Variants in STON2 observed in about 807,000 individuals in gnomAD.
The protein encoded by STON2 is stonin 2, also known as stonin-2.
STON2 carries 29 observed loss-of-function variants against 65.7 expected under a neutral mutation model. That is an observed-to-expected ratio of 0.44 (90% CI 0.33 to 0.60). STON2 has a LOEUF of 0.60. Ranked by LOEUF, STON2 falls within the 20% of genes least tolerant of loss-of-function variation. STON2 has a pLI of 0.03. For missense variants in STON2, 1,054 were observed against 1,118.1 expected (o/e 0.94, Z 0.82); for synonymous variants, 404 against 414.2 (o/e 0.98, Z 0.30).
intron 5 of STON2, among the ~76,000 whole-genome samples, chr14:81,281,969 T>C (rs988317131): frequency 1.3e-5 from 2 of 152,356 alleles, no homozygotes; most frequent in South Asian, 2.1e-4. Context: ...TAAAACTTAT[T>C]CTCTGGGATG....
At chr14:81,299,832 A>T (rs999000588) in intron 5 of STON2, among the ~76,000 whole-genome samples, 1 of 152,056 alleles carries the variant, frequency 6.6e-6, no homozygotes, top group Non-Finnish European at 1.5e-5. Context: ...ATAAATGGAG[A>T]GATTTCATGT....
intron 5 of STON2, among the ~76,000 whole-genome samples, chr14:81,315,980 G>A (rs1896604302): frequency 1.3e-5 from 2 of 152,120 alleles, no homozygotes; most frequent in South Asian, 4.2e-4. Context: ...TATATTTTCT[G>A]GGCCATTATA....
intron 5 of STON2, chr14:81,323,373 A>G (rs1461728482): frequency 6.6e-6 from 1 of 152,190 alleles, no homozygotes; most frequent in Non-Finnish European, 1.5e-5. Context: ...TCAACACACT[A>G]TACAAAGATC....
chr14:81,330,435 CTTT>C (rs144222612), intron 4 of STON2, among the ~76,000 whole-genome samples: 2 of 145,344 alleles, frequency 1.4e-5, no homozygotes, highest in Non-Finnish European at 3.0e-5. Context: ...GAGATGGTGT[CTTT>C]TTTTTTTTCT....
intron 4 of STON2, among the ~76,000 whole-genome samples, chr14:81,340,260 C>T (rs183221699): frequency 5.3e-4 from 80 of 152,182 alleles, no homozygotes; most frequent in African/African-American, 1.6e-3. Context: ...TAATTTCTAG[C>T]GACAGAAAGC....
At chr14:81,291,478 G>C (rs1895550980) in intron 5 of STON2, among the ~76,000 whole-genome samples, 1 of 152,138 alleles carries the variant, frequency 6.6e-6, no homozygotes, top group African/African-American at 2.4e-5. Flanking sequence ...GTCTAGACAA[G>C]CAGTCCCCAA....
chr14:81,316,220 A>G (rs1483112019), intron 5 of STON2, among the ~76,000 whole-genome samples: 2 of 152,202 alleles, frequency 1.3e-5, no homozygotes, highest in Non-Finnish European at 2.9e-5. Flanking sequence ...GTGAGGGCTC[A>G]GAAAACATGT....
At chr14:81,312,756 C>T (rs778237327) in intron 5 of STON2, among the ~76,000 whole-genome samples, 4 of 152,262 alleles carry the variant, frequency 2.6e-5, no homozygotes, top group African/African-American at 4.8e-5. Flanking sequence ...ACCATAACTA[C>T]TGGTTTGCAG....
intron 5 of STON2, among the ~76,000 whole-genome samples, chr14:81,319,870 G>A (rs1287812126): frequency 1.3e-5 from 2 of 152,176 alleles, no homozygotes; most frequent in East Asian, 1.9e-4. Context: ...CTTCTACTGA[G>A]TTGAACTAAG....
intron 5 of STON2, among the ~76,000 whole-genome samples, chr14:81,292,324 G>A (rs1895589446): frequency 6.6e-6 from 1 of 152,178 alleles, no homozygotes; most frequent in African/African-American, 2.4e-5. Flanking sequence ...CAATAAATAT[G>A]CAGCAATGAC....
intron 3 of STON2, among the ~76,000 whole-genome samples, chr14:81,389,856 C>A (rs1216086656): frequency 6.6e-6 from 1 of 152,074 alleles, no homozygotes; most frequent in East Asian, 1.9e-4. Context: ...ACAAGTAATT[C>A]TCCCAGCATC....
chr14:81,429,206 T>A (rs1312097197), intron 1 of STON2, among the ~76,000 whole-genome samples: 1 of 152,236 alleles, frequency 6.6e-6, no homozygotes, highest in Non-Finnish European at 1.5e-5. Flanking sequence ...CATCTTAATG[T>A]CATTCTTAGT....
At chr14:81,308,982 G>A (rs1397929375) in intron 5 of STON2, among the ~76,000 whole-genome samples, 1 of 149,860 alleles carries the variant, frequency 6.7e-6, no homozygotes, top group East Asian at 2.0e-4. Context: ...TCTGATAGGA[G>A]TGCTTTATTT....
chr14:81,308,779 CCCATATATATATATATATATATAT>C (rs1896282934), intron 5 of STON2, among the ~76,000 whole-genome samples: 7 of 1,396 alleles, frequency 5.0e-3, no homozygotes, highest in Non-Finnish European at 0.011. Flanking sequence ...CATGGTTTTA[CCCATATATATATATATATATATAT>C]ATATATATAT....
At chr14:81,357,442 A>C (rs1282777652) in intron 4 of STON2, among the ~76,000 whole-genome samples, 6 of 151,660 alleles carry the variant, frequency 4.0e-5, no homozygotes, top group Admixed American at 1.3e-4. Context: ...ACACTTTTAC[A>C]CTGTTGGTGG....
At chr14:81,382,448 CA>C (rs2140398839) in intron 3 of STON2, among the ~76,000 whole-genome samples, 1 of 152,044 alleles carries the variant, frequency 6.6e-6, no homozygotes, top group East Asian at 1.9e-4. Context: ...AGTTCAAAAC[CA>C]GGCTAAATTA....
intron 2 of STON2, among the ~76,000 whole-genome samples, chr14:81,425,164 T>C (rs1901904709): frequency 6.6e-6 from 1 of 152,220 alleles, no homozygotes; most frequent in African/African-American, 2.4e-5. Context: ...GGGTTCTTAT[T>C]TAGCTTTGAG....
intron 3 of STON2, among the ~76,000 whole-genome samples, chr14:81,373,560 C>T (rs755655305): frequency 1.1e-4 from 17 of 151,936 alleles, no homozygotes; most frequent in Admixed American, 7.2e-4. Flanking sequence ...CATCAGAGGC[C>T]GAGTGAAAGC....
At chr14:81,426,820 C>T (rs760155211) in intron 2 of STON2, among the ~76,000 whole-genome samples, 13 of 152,164 alleles carry the variant, frequency 8.5e-5, no homozygotes, top group Non-Finnish European at 1.8e-4. Context: ...TATAAGATTT[C>T]GTTTGAGCAT....
Sources: allele counts gnomAD v4.1 joint callset (sites outside exome capture counted in the v4.1 genomes callset), GRCh38; gene constraint gnomAD v4.1.1; transcripts MANE v1.5; gene names NCBI Gene and HGNC (gene_info 2026-07-23, HGNC 2026-07-21).